ARB2A: variants seen among roughly 807,000 people sequenced by gnomAD.
ARB2A encodes the protein ARB2 cotranscriptional regulator A.
chr5:93,729,540 G>A, the ARB2A span, among the ~76,000 whole-genome samples: 1 of 151,958 alleles, frequency 6.6e-6, no homozygotes, highest in Non-Finnish European at 1.5e-5. Context: ...GTTGTGTCCT[G>A]GAGTATTACA....
the ARB2A span, among the ~76,000 whole-genome samples, chr5:93,659,495 T>TCC: frequency 6.6e-6 from 1 of 152,082 alleles, no homozygotes; most frequent in African/African-American, 2.4e-5. Context: ...TGGGAGATGT[T>TCC]TAGCTACCAA....
the ARB2A span, chr5:93,958,871 C>T: frequency 1.2e-6 from 2 of 1,609,622 alleles, no homozygotes; most frequent in Non-Finnish European, 1.7e-6. Flanking sequence ...CCTGACAACA[C>T]CACTACCATG....
At chr5:93,826,771 C>T in the ARB2A span, among the ~76,000 whole-genome samples, 3 of 124,444 alleles carry the variant, frequency 2.4e-5, no homozygotes, top group African/African-American at 9.1e-5. Context: ...ACAGGCCCCA[C>T]AGTGTGAAGT....
the ARB2A span, among the ~76,000 whole-genome samples, chr5:94,110,128 G>A: frequency 6.6e-6 from 1 of 152,030 alleles, no homozygotes; most frequent in Non-Finnish European, 1.5e-5. Flanking sequence ...CAGGCAATCC[G>A]TCCGCCTCGG....
At chr5:93,847,341 C>G in the ARB2A span, among the ~76,000 whole-genome samples, 1 of 152,012 alleles carries the variant, frequency 6.6e-6, no homozygotes, top group Admixed American at 6.6e-5. Flanking sequence ...AATAACAAAC[C>G]AGTATATTTT....
chr5:93,853,943 C>G, the ARB2A span, among the ~76,000 whole-genome samples: 1 of 152,128 alleles, frequency 6.6e-6, no homozygotes, highest in South Asian at 2.1e-4. Flanking sequence ...CTCTCCCTGG[C>G]TTTGGTATCA....
At chr5:94,095,569 C>T in the ARB2A span, among the ~76,000 whole-genome samples, 3 of 151,606 alleles carry the variant, frequency 2.0e-5, no homozygotes, top group Admixed American at 6.6e-5. Context: ...CATTAGACTG[C>T]TAATAGCTAT....
the ARB2A span, chr5:93,683,149 C>T: frequency 6.0e-5 from 86 of 1,440,534 alleles, no homozygotes; most frequent in South Asian, 1.7e-4. Flanking sequence ...TCTTCACTGG[C>T]GCTTTTTCTT....
chr5:93,858,516 T>C, the ARB2A span, among the ~76,000 whole-genome samples: 1 of 152,212 alleles, frequency 6.6e-6, no homozygotes, highest in African/African-American at 2.4e-5. Flanking sequence ...AGAGAGGTCC[T>C]GGGAGACCAC....
the ARB2A span, among the ~76,000 whole-genome samples, chr5:94,072,602 C>T: frequency 7.8e-4 from 119 of 151,900 alleles, 2 homozygotes; most frequent in Admixed American, 2.4e-3. Context: ...GGTTAGAGGG[C>T]GGTGGTAAAT....
the ARB2A span, among the ~76,000 whole-genome samples, chr5:93,906,762 A>C: frequency 6.6e-6 from 1 of 151,486 alleles, no homozygotes; most frequent in Non-Finnish European, 1.5e-5. Flanking sequence ...TGCTAACCCC[A>C]AAAAGACTCT....
the ARB2A span, among the ~76,000 whole-genome samples, chr5:93,945,181 G>A: frequency 1.8e-4 from 27 of 152,270 alleles, no homozygotes; most frequent in African/African-American, 5.8e-4. Context: ...GGCGGCTCAC[G>A]CCTATAATCC....
the ARB2A span, among the ~76,000 whole-genome samples, chr5:93,824,822 C>A: frequency 6.6e-6 from 1 of 152,344 alleles, no homozygotes; most frequent in African/African-American, 2.4e-5. Flanking sequence ...CTTTCCCAGG[C>A]ATTTTTCTGC....
chr5:94,011,929 G>A, the ARB2A span, among the ~76,000 whole-genome samples: 1 of 131,872 alleles, frequency 7.6e-6, no homozygotes, highest in Admixed American at 7.6e-5. Context: ...ACAAATTAAA[G>A]GGTAGACAAA....
chr5:93,640,490 T>C, the ARB2A span, among the ~76,000 whole-genome samples: 1 of 151,850 alleles, frequency 6.6e-6, no homozygotes, highest in African/African-American at 2.4e-5. Flanking sequence ...ACCTTATGGA[T>C]ACATGGATAC....
At chr5:93,716,373 C>G in the ARB2A span, among the ~76,000 whole-genome samples, 1 of 152,042 alleles carries the variant, frequency 6.6e-6, no homozygotes, top group South Asian at 2.1e-4. Flanking sequence ...ACATCTTTAT[C>G]TTCCTGTATT....
the ARB2A span, among the ~76,000 whole-genome samples, chr5:94,068,155 G>A: frequency 3.9e-5 from 6 of 152,232 alleles, no homozygotes; most frequent in South Asian, 2.1e-4. Flanking sequence ...CTGGCCTCAC[G>A]GATTCCAAGG....
chr5:93,973,116 T>C, the ARB2A span, among the ~76,000 whole-genome samples: 1 of 127,102 alleles, frequency 7.9e-6, no homozygotes, highest in African/African-American at 3.0e-5. Flanking sequence ...GCCCAGATAA[T>C]TTTTAAATTT....
chr5:94,018,810 A>G, the ARB2A span, among the ~76,000 whole-genome samples: 3 of 152,022 alleles, frequency 2.0e-5, no homozygotes, highest in African/African-American at 7.2e-5. Context: ...AGAAAAAACT[A>G]CTTTAAATTT....
Sources: allele counts gnomAD v4.1 joint callset (sites outside exome capture counted in the v4.1 genomes callset), GRCh38; gene constraint gnomAD v4.1.1; transcripts MANE v1.5; gene names NCBI Gene and HGNC (gene_info 2026-07-23, HGNC 2026-07-21).